IGSF11: variants seen among roughly 807,000 people sequenced by gnomAD.
IGSF11 encodes immunoglobulin superfamily member 11.
In IGSF11, 22 loss-of-function variants were observed where a neutral mutation model predicts 41.0. The observed-to-expected ratio is 0.54, with a 90% CI of 0.38 to 0.77. The LOEUF is 0.77. Ranked by LOEUF, IGSF11 falls within the 30% of genes least tolerant of loss-of-function variation. The pLI is 0.00. For missense variants in IGSF11, 444 were observed against 530.8 expected, an observed-to-expected ratio of 0.84 and a Z score of 1.61; for synonymous variants, 219 against 201.3, an observed-to-expected ratio of 1.09 and a Z score of -0.74.
chr3:119,126,822 C>G (rs1308260372), intron 1 of IGSF11, among the ~76,000 whole-genome samples: 1 of 141,956 alleles, frequency 7.0e-6, no homozygotes, highest in African/African-American at 2.4e-5. Flanking sequence ...AAAGTGACAA[C>G]AACAGCATCA....
chr3:118,962,388 C>T (rs752523162), intron 1 of IGSF11, among the ~76,000 whole-genome samples: 1 of 152,006 alleles, frequency 6.6e-6, no homozygotes, highest in Non-Finnish European at 1.5e-5. Flanking sequence ...AAATTTTCTG[C>T]CATTATTTGT....
chr3:119,138,025 T>C (rs973191111), intron 1 of IGSF11, among the ~76,000 whole-genome samples: 6 of 152,046 alleles, frequency 3.9e-5, no homozygotes, highest in Admixed American at 2.0e-4. Flanking sequence ...CTCACCCCAG[T>C]TAAAATGGTT....
At chr3:119,017,453 G>A (rs1348415515) in intron 1 of IGSF11, among the ~76,000 whole-genome samples, 1 of 152,092 alleles carries the variant, frequency 6.6e-6, no homozygotes, top group Non-Finnish European at 1.5e-5. Flanking sequence ...AATCTTATAG[G>A]ACCACAGTCA....
chr3:118,988,485 C>A (rs141900939), intron 1 of IGSF11, among the ~76,000 whole-genome samples: 161 of 152,262 alleles, frequency 1.1e-3, no homozygotes, highest in Non-Finnish European at 2.0e-3. Context: ...TTTCCAAAAT[C>A]ACAGGAAATT....
intron 1 of IGSF11, among the ~76,000 whole-genome samples, chr3:119,011,869 A>C (rs1447909888): frequency 1.3e-5 from 2 of 152,230 alleles, no homozygotes; most frequent in Non-Finnish European, 2.9e-5. Flanking sequence ...ATCTAAAATT[A>C]ATCCTCTAAA....
At chr3:119,076,207 T>C (rs78999526) in intron 1 of IGSF11, among the ~76,000 whole-genome samples, 4,087 of 152,256 alleles carry the variant, frequency 0.027, 171 homozygotes, top group African/African-American at 0.093. Flanking sequence ...TGGCTAGCCA[T>C]ATGTAGAAAG....
At chr3:119,145,868 G>C in exon 1 of IGSF11, 1 of 286,758 alleles carries the variant, frequency 3.5e-6, no homozygotes, top group Non-Finnish European at 6.6e-6. Flanking sequence ...ACAAGGAAGA[G>C]GGTAACACTC....
At chr3:119,001,528 A>T in intron 1 of IGSF11, among the ~76,000 whole-genome samples, 1 of 141,178 alleles carries the variant, frequency 7.1e-6, no homozygotes, top group Non-Finnish European at 1.5e-5. Context: ...TGTGCAGGTT[A>T]GTTACATATG....
At position 119,138,410 on chromosome 3, in the gene IGSF11, T is replaced by G. The variant is rs368664270; in HGVS notation, c.-14+7403A>C. On this transcript the variant is annotated intron_variant, in intron 1 of 7. Coordinates refer to the IGSF11 transcript ENST00000425327. The stretch of plus-strand genomic sequence containing the variant: ...GCCATAAAAAACGAATGGGGCCAGA[T>G]GCAGTGGTTCATGCCTGTAATCCTA... Among the ~76,000 whole-genome samples, 72 of 152,268 alleles carry G rather than the reference T, an allele frequency of 4.7e-4. 1 individual carries two copies. The South Asian group carries it at 0.011, about 23-fold the overall frequency.
At chr3:119,029,272 A>ACACCCC (rs1553716833) in intron 1 of IGSF11, among the ~76,000 whole-genome samples, 4 of 145,216 alleles carry the variant, frequency 2.8e-5, no homozygotes, top group Non-Finnish European at 6.1e-5. Context: ...ACACACACAC[A>ACACCCC]CACCCGAGAG....
intron 1 of IGSF11, among the ~76,000 whole-genome samples, chr3:119,066,137 T>C (rs1374305730): frequency 6.6e-6 from 1 of 152,196 alleles, no homozygotes; most frequent in Non-Finnish European, 1.5e-5. Context: ...ATTTCTTTTT[T>C]TATCATGGTG....
chr3:118,924,403 G>A (rs11709968), intron 4 of IGSF11, among the ~76,000 whole-genome samples: 12,912 of 151,850 alleles, frequency 0.085, 613 homozygotes, highest in East Asian at 0.13. Context: ...AAATTATTTT[G>A]GAGCAATATT....
intron 1 of IGSF11, among the ~76,000 whole-genome samples, chr3:118,952,942 T>C (rs1944677304): frequency 6.6e-6 from 1 of 152,080 alleles, no homozygotes. Flanking sequence ...ACAGGTGGTG[T>C]TTGGTTACAT....
chr3:119,069,658 C>G (rs1012584809), intron 1 of IGSF11, among the ~76,000 whole-genome samples: 1 of 152,096 alleles, frequency 6.6e-6, no homozygotes, highest in African/African-American at 2.4e-5. Flanking sequence ...AAACCAACTT[C>G]TCTTTTTGGA....
chr3:118,902,447 T>TCCCCCCCCC lies in IGSF11; in HGVS notation c.*72_*73insGGGGGGGGG. The TCCCCCCCCC allele has an allele frequency of 5.3e-6, 3 of 563,914 alleles. No homozygotes were observed. The highest frequency in any genetic ancestry group is 1.7e-5 in the South Asian group (1 of 57,924). The allele number at this position is 563,914 out of a possible 1,614,324, so 34.9% of individuals were successfully genotyped here. A position where few individuals can be genotyped will look rare whatever the true frequency, so the allele number is the denominator to read the frequency against. On this transcript the variant is annotated 3_prime_UTR_variant, in exon 7 of 7. Transcript: ENST00000393775. ...TAAGGAAGTGTTTCTTTCCCAGCAC[T>TCCCCCCCCC]CCCCACCCCACCCTCCCCCTTGTAT...
chr3:118,987,287 A>G (rs1334330128), intron 1 of IGSF11, among the ~76,000 whole-genome samples: 2 of 152,236 alleles, frequency 1.3e-5, no homozygotes, highest in African/African-American at 2.4e-5. Context: ...TTCATCCCAG[A>G]GGATGAGAAC....
At chr3:118,917,012 G>A (rs1176059883) in intron 4 of IGSF11, among the ~76,000 whole-genome samples, 1 of 152,124 alleles carries the variant, frequency 6.6e-6, no homozygotes, top group African/African-American at 2.4e-5. Context: ...TGACTACTGG[G>A]TACATAAGGA....
chr3:119,004,935 T>C (rs1375880016), intron 1 of IGSF11, among the ~76,000 whole-genome samples: 1 of 151,810 alleles, frequency 6.6e-6, no homozygotes, highest in Non-Finnish European at 1.5e-5. Context: ...AAAATGTATA[T>C]TCTGTTGATT....
chr3:119,022,306 T>C lies in IGSF11; in HGVS notation c.52+12225A>G, dbSNP rs534176163. The stretch of plus-strand genomic sequence containing the variant: ...ACGGGGAGGTATTGCCTAATAGTTA[T>C]AGATTTTGTTTAGGGTAATGTAAAA... On this transcript the variant is annotated intron_variant, in intron 1 of 6. Transcript: ENST00000393775. 3.7e-4 allele frequency among the ~76,000 whole-genome samples: 56 copies of C among 152,328 alleles called. No individual in the cohort carries two copies. In the South Asian group the frequency reaches 7.5e-3, roughly 20 times the overall value.
Sources: gnomAD v4.1 joint callset for allele counts (sites outside exome capture counted in the v4.1 genomes callset) on GRCh38, gnomAD v4.1.1 for gene constraint, MANE v1.5 for transcripts, NCBI Gene and HGNC (gene_info 2026-07-23, HGNC 2026-07-21) for gene names.